ARHGAP18: variants seen among roughly 807,000 people sequenced by gnomAD.
ARHGAP18 encodes the protein Rho GTPase activating protein 18.
A neutral mutation model predicts 86.2 loss-of-function variants in ARHGAP18; 67 were observed. The ratio of observed to expected loss-of-function variants is 0.78; its 90% confidence interval spans 0.64 to 0.95. The LOEUF (loss-of-function observed/expected upper bound fraction) is 0.95. Ranked by LOEUF, ARHGAP18 falls within the 40% of genes least tolerant of loss-of-function variation. ARHGAP18 has a pLI of 0.00. For missense variants in ARHGAP18, 691 were observed against 780.4 expected, an observed-to-expected ratio of 0.89 and a Z score of 1.37; for synonymous variants, 283 against 280.4, an observed-to-expected ratio of 1.01 and a Z score of -0.09.
chr6:129,628,175 G>T (rs1159823117), intron 5 of ARHGAP18, among the ~76,000 whole-genome samples: 2 of 152,110 alleles, frequency 1.3e-5, no homozygotes, highest in Non-Finnish European at 2.9e-5. Flanking sequence ...CACAGAGCTT[G>T]GTTTCTAAAT....
Position 129,599,341 on chromosome 6 carries a change from C to A in ARHGAP18, c.1588G>T (p.Val530Leu). The A allele has an allele frequency of 6.4e-7, 1 of 1,555,518 alleles. No individual in the cohort carries two copies. Among genetic ancestry groups the A allele is most frequent in the Non-Finnish European group, 8.6e-7 (1 of 1,156,134 alleles). Residue 530 changes from valine to leucine, a missense_variant, in exon 12 of 15, where the codon GTA becomes TTA. Val to Leu is a conservative substitution (Grantham distance 32, BLOSUM62 1). Coordinates refer to ENST00000368149, the MANE Select transcript of ARHGAP18 (RefSeq NM_033515.3). The stretch of plus-strand genomic sequence containing the variant: ...GTGTTTTGCTTCCTCACTTGGTTTA[C>A]AATAAACTTGGGAATCTATAGAGAA... ...KLLWTIPKFI[V>L]NQVRKQNTEN...
intron 10 of ARHGAP18, among the ~76,000 whole-genome samples, chr6:129,605,606 C>A (rs914126885): frequency 1.3e-5 from 2 of 151,924 alleles, no homozygotes; most frequent in Admixed American, 1.3e-4. Context: ...AAACCACCCA[C>A]GTTTCCATTA....
At chr6:129,627,064 C>T (rs1474959294) in intron 5 of ARHGAP18, among the ~76,000 whole-genome samples, 1 of 152,012 alleles carries the variant, frequency 6.6e-6, no homozygotes, top group Non-Finnish European at 1.5e-5. Flanking sequence ...ACCAGACAAG[C>T]CTGTAAAATC....
At chr6:129,596,119 G>A (rs1051405125) in intron 12 of ARHGAP18, among the ~76,000 whole-genome samples, 20 of 152,090 alleles carry the variant, frequency 1.3e-4, no homozygotes, top group African/African-American at 4.6e-4. Flanking sequence ...TTAAAACATA[G>A]TATAGATTTT....
At chr6:129,705,833 T>TACC (rs1774793842) in intron 1 of ARHGAP18, among the ~76,000 whole-genome samples, 1 of 152,098 alleles carries the variant, frequency 6.6e-6, no homozygotes, top group Non-Finnish European at 1.5e-5. Flanking sequence ...AATTTATGGG[T>TACC]AGAGAGATAA....
chr6:129,695,857 T>C (rs1436561999), intron 1 of ARHGAP18, among the ~76,000 whole-genome samples: 1 of 152,180 alleles, frequency 6.6e-6, no homozygotes, highest in Non-Finnish European at 1.5e-5. Flanking sequence ...AAAAACATTG[T>C]CCACCACCCG....
intron 1 of ARHGAP18, among the ~76,000 whole-genome samples, chr6:129,689,355 G>A (rs564004677): frequency 8.6e-4 from 131 of 152,238 alleles, no homozygotes; most frequent in African/African-American, 3.1e-3. Flanking sequence ...GTGCAGTAGC[G>A]TGATCTCGGC....
At chr6:129,667,957 A>G (rs927864240) in intron 1 of ARHGAP18, among the ~76,000 whole-genome samples, 2 of 152,240 alleles carry the variant, frequency 1.3e-5, no homozygotes, top group Non-Finnish European at 2.9e-5. Flanking sequence ...AGACATGCAC[A>G]TCTATCAAAA....
chr6:129,611,743 C>T, intron 7 of ARHGAP18, 133 bp from the exon 8 acceptor site: 1 of 675,344 alleles, frequency 1.5e-6, no homozygotes, highest in African/African-American at 1.8e-5. Context: ...GTTTTGAATG[C>T]TATTTTACTA....
intron 1 of ARHGAP18, among the ~76,000 whole-genome samples, chr6:129,695,570 T>A (rs1774601723): frequency 6.6e-6 from 1 of 152,144 alleles, no homozygotes. Flanking sequence ...GTCTTTTTCC[T>A]CTCCCTGCAA....
chr6:129,674,159 C>T (rs1774189739), intron 1 of ARHGAP18, among the ~76,000 whole-genome samples: 1 of 152,082 alleles, frequency 6.6e-6, no homozygotes. Context: ...TTATAACCAC[C>T]TGGTATTGAA....
intron 4 of ARHGAP18, among the ~76,000 whole-genome samples, chr6:129,631,321 C>G (rs941211637): frequency 2.4e-4 from 36 of 151,540 alleles, no homozygotes; most frequent in African/African-American, 8.7e-4. Flanking sequence ...CGGACTATGC[C>G]GAATGTAAAG....
chr6:129,667,222 T>C (rs967918536), intron 1 of ARHGAP18, among the ~76,000 whole-genome samples: 2 of 151,998 alleles, frequency 1.3e-5, no homozygotes, highest in African/African-American at 4.8e-5. Flanking sequence ...TGGAATAATA[T>C]CCCCATCTTG....
chr6:129,690,128 T>TGTGTGTGTGTGTGTGTGTATGTG, intron 1 of ARHGAP18, among the ~76,000 whole-genome samples: 1 of 151,774 alleles, frequency 6.6e-6, no homozygotes, highest in Middle Eastern at 3.4e-3. Flanking sequence ...TGTAAACGTG[T>TGTGTGTGTGTGTGTGTGTATGTG]GTGTGTGTGT....
intron 12 of ARHGAP18, among the ~76,000 whole-genome samples, chr6:129,584,846 C>T (rs773553149): frequency 5.9e-5 from 9 of 152,164 alleles, no homozygotes; most frequent in East Asian, 1.9e-4. Context: ...ATAAACAGCA[C>T]GCACAAATCA....
In ARHGAP18 at chr6:129,694,306, C is replaced by T. The variant is rs1024711235; in HGVS notation, c.113+15718G>A. ...AAATTGCCTAGGTCTAAATCTCAGC[C>T]GTGCCAATAGCAGTGTGACCTTGGG... On this transcript the variant is annotated intron_variant, in intron 1 of 14. Transcript: ENST00000368149. Among the ~76,000 whole-genome samples, 5 of 152,188 alleles carry T rather than the reference C, an allele frequency of 3.3e-5. No individual in the cohort carries two copies. The South Asian group carries it at 6.2e-4, about 19-fold the overall frequency.
At chr6:129,678,103 G>A (rs151110507) in intron 1 of ARHGAP18, among the ~76,000 whole-genome samples, 4 of 152,314 alleles carry the variant, frequency 2.6e-5, no homozygotes, top group Non-Finnish European at 4.4e-5. Context: ...ATGATTACAT[G>A]CACACAAGTT....
rs1175206716 is a variant in ARHGAP18, at chr6:129,625,765, TTA to T, written c.786+3586_786+3587del. On this transcript the variant is annotated intron_variant, in intron 5 of 14. Transcript: ENST00000368149. ...TATTTATATATTATATATTTATATA[TTA>T]TATATATTTATATATATAATATATA... Among the ~76,000 whole-genome samples the T allele has an allele frequency of 1.9e-4, 7 of 36,486 alleles. 1 individual carries two copies. The highest frequency in any genetic ancestry group is 1.7e-3 in the East Asian group (2 of 1,154). 23.9% of individuals were successfully genotyped at this position (36,486 alleles called of 152,430 possible). A position where few individuals can be genotyped will look rare whatever the true frequency, so the allele number is the denominator to read the frequency against.
chr6:129,613,198 A>G (rs1239074871), intron 7 of ARHGAP18, among the ~76,000 whole-genome samples: 2 of 147,396 alleles, frequency 1.4e-5, no homozygotes, highest in African/African-American at 5.0e-5. Context: ...GCAACAGTGC[A>G]CTCCAGCCTG....
Sources: allele counts gnomAD v4.1 joint callset (sites outside exome capture counted in the v4.1 genomes callset), GRCh38; gene constraint gnomAD v4.1.1; transcripts MANE v1.5; gene names NCBI Gene and HGNC (gene_info 2026-07-23, HGNC 2026-07-21).